The following ARHGAP8 variants were observed in gnomAD, a reference collection of about 807,000 sequenced individuals.
ARHGAP8 encodes the protein Rho GTPase activating protein 8.
Under a neutral mutation model 46.1 loss-of-function variants are expected in ARHGAP8, and 62 were observed. That is an observed-to-expected ratio of 1.34 (90% CI 1.10 to 1.66). The LOEUF (loss-of-function observed/expected upper bound fraction) is 1.66, where lower values mean the gene tolerates loss of function less well. ARHGAP8 is among the 40% of genes most tolerant of loss of function. The pLI is 0.00. For synonymous variants in ARHGAP8, 375 were observed against 243.1 expected (o/e 1.54, Z -5.05); for missense variants, 923 against 568.4 (o/e 1.62, Z -6.34).
At chr22:44,814,490 A>G (rs1929590742) in intron 4 of ARHGAP8, among the ~76,000 whole-genome samples, 182 bp from the exon 5 acceptor site, 3 of 152,216 alleles carry the variant, frequency 2.0e-5, no homozygotes, top group Admixed American at 6.5e-5. Context: ...CGGGGGCAGC[A>G]GGTGAGGGGT....
rs772299067 is a variant in ARHGAP8 at position 44,859,731 on chromosome 22, G to C, written c.878G>C (p.Cys293Ser). ...AGCAGGGAGCCCCATGCCCTTCCAG[G>C]TGTGGAGAGCAGCCTGCGTGTCACT... is the stretch of plus-strand genomic sequence containing the variant. ...QAYEQILGIT[C>S]VESSLRVTGC... The change falls in exon 11 of 12, where the codon TGT becomes TCT. Residue 293 changes from cysteine (C) to serine (S), a missense_variant and splice_region_variant. Physicochemically the swap from Cys to Ser is moderately radical, Grantham distance 112. Transcript: ENST00000356099. 7 of 1,613,362 alleles carry C rather than the reference G, an allele frequency of 4.3e-6. No homozygotes were observed. The highest frequency in any genetic ancestry group is 2.2e-5 in the East Asian group (1 of 44,894).
At chr22:44,809,120 C>T (rs1309459954) in intron 4 of ARHGAP8, 1 of 470,930 alleles carries the variant, frequency 2.1e-6, no homozygotes, top group Non-Finnish European at 4.4e-6. Flanking sequence ...CATGCCAAGC[C>T]AACACTCTTG....
At chr22:44,821,734 A>AC (rs1338906615) in intron 5 of ARHGAP8, among the ~76,000 whole-genome samples, 2 of 152,054 alleles carry the variant, frequency 1.3e-5, no homozygotes, top group African/African-American at 4.8e-5. Flanking sequence ...AGGAGGGAGA[A>AC]CCCCCACTTT....
At position 44,814,538 on chromosome 22, in the gene ARHGAP8, T is replaced by C. The variant is rs79573982; in HGVS notation, c.300-134T>C. 45 of 718,818 alleles carry C rather than the reference T, an allele frequency of 6.3e-5. No homozygotes were observed. The East Asian group carries it at 1.2e-3, about 20-fold the overall frequency. The allele number at this position is 718,818 out of a possible 1,614,324, so 44.5% of individuals were successfully genotyped here. A position where few individuals can be genotyped will look rare whatever the true frequency, so the allele number is the denominator to read the frequency against. The stretch of plus-strand genomic sequence containing the variant: ...CGAGTTTATTTCATTCTTTGTTTGA[T>C]GTCCTTAAATTGATCCTGTTGAGAG... On this transcript the variant is annotated intron_variant, in intron 4 of 11. Coordinates refer to ENST00000356099, the MANE Select transcript of ARHGAP8 (RefSeq NM_181335.3).
intron 2 of ARHGAP8, among the ~76,000 whole-genome samples, chr22:44,792,884 C>T (rs145878059): frequency 0.023 from 3,513 of 151,064 alleles, 130 homozygotes; most frequent in African/African-American, 0.079. Flanking sequence ...AGTGCAGTGG[C>T]GCAATCTCGG....
chr22:44,859,614 G>A, intron 10 of ARHGAP8, 117 bp from the exon 11 acceptor site: 1 of 1,115,550 alleles, frequency 9.0e-7, no homozygotes, highest in Non-Finnish European at 1.3e-6. Flanking sequence ...AAGCCCAAAT[G>A]TGGGATAGTC....
Position 44,781,867 on chromosome 22 carries a change from C to T in ARHGAP8, c.-71-4590C>T, listed in dbSNP as rs1926870971. On this transcript the variant is annotated intron_variant, in intron 1 of 11. Coordinates refer to ENST00000356099, the MANE Select transcript of ARHGAP8 (RefSeq NM_181335.3). ...TTTTATTTTTAGAGACAGGATCTTG[C>T]TGTGTTGCCCAGGCTGGAGTGCAGT... Among the ~76,000 whole-genome samples, 8 of 151,364 alleles carry T rather than the reference C, an allele frequency of 5.3e-5. 1 individual carries two copies. In the South Asian group the frequency reaches 1.7e-3, roughly 32 times the overall value.
At chr22:44,855,403 G>A (rs141766150) in intron 10 of ARHGAP8, among the ~76,000 whole-genome samples, 8,429 of 151,664 alleles carry the variant, frequency 0.056, 331 homozygotes, top group Non-Finnish European at 0.083. Context: ...GGGCTCAAGT[G>A]ATCTCCCCAC....
intron 1 of ARHGAP8, among the ~76,000 whole-genome samples, chr22:44,766,762 C>T (rs1231773620): frequency 6.6e-6 from 1 of 152,058 alleles, no homozygotes; most frequent in East Asian, 1.9e-4. Context: ...TGCTTGGCAC[C>T]AAGTCGGTGA....
At chr22:44,802,292 A>G in intron 3 of ARHGAP8, 128 bp downstream of exon 3, 2 of 1,232,680 alleles carry the variant, frequency 1.6e-6, no homozygotes, top group Non-Finnish European at 2.3e-6. Context: ...GCTGGTGTGC[A>G]GAGCTCTTGC....
intron 3 of ARHGAP8, among the ~76,000 whole-genome samples, chr22:44,803,679 G>GTGCACAAACCCCCTCCCA (rs1928725965): frequency 3.6e-5 from 1 of 27,882 alleles, no homozygotes; most frequent in Non-Finnish European, 6.3e-5. Context: ...ACCCCCTCCC[G>GTGCACAAACCCCCTCCCA]TGCACACACC....
chr22:44,824,419 A>G (rs1469235801), intron 6 of ARHGAP8, among the ~76,000 whole-genome samples: 1 of 152,122 alleles, frequency 6.6e-6, no homozygotes, highest in East Asian at 1.9e-4. Context: ...CCTTTCCTGC[A>G]TTGTCGGGTG....
intron 10 of ARHGAP8, among the ~76,000 whole-genome samples, chr22:44,851,393 AT>A (rs1249839894): frequency 6.5e-4 from 98 of 151,126 alleles, no homozygotes; most frequent in African/African-American, 2.2e-3. Flanking sequence ...AGCCTTTTAA[AT>A]ATTTATTTAT....
In ARHGAP8 at chr22:44,802,100, G is replaced by A; in HGVS notation, c.103G>A (p.Val35Ile). Residue 35 changes from valine (V) to isoleucine (I), a missense_variant, in exon 3 of 12, where the codon GTT becomes ATT. Coordinates refer to ENST00000356099, the MANE Select transcript of ARHGAP8 (RefSeq NM_181335.3). ...AGGGGATGACCGCTTTGGAAGACGT[G>A]TTGTCACGTTCAGCTGCTGCCGGAT... ...VAGDDRFGRR[V>I]VTFSCCRMPP... is the part of the protein sequence containing the mutation. 2 of 1,614,146 alleles carry A rather than the reference G, an allele frequency of 1.2e-6. No individual in the cohort carries two copies. The highest frequency in any genetic ancestry group is 1.7e-5 in the Admixed American group (1 of 60,020).
intron 11 of ARHGAP8, among the ~76,000 whole-genome samples, chr22:44,860,871 A>G (rs1299395732): frequency 3.3e-5 from 5 of 152,188 alleles, no homozygotes; most frequent in African/African-American, 4.8e-5. Flanking sequence ...GTGCAGGGTG[A>G]GGAGAGCCTG....
intron 10 of ARHGAP8, 200 bp from the exon 11 acceptor site, chr22:44,859,531 A>G (rs2070360093): frequency 1.7e-6 from 1 of 602,560 alleles, no homozygotes; most frequent in Non-Finnish European, 2.9e-6. Flanking sequence ...AAATAACCCC[A>G]TCTCAGCAAG....
At chr22:44,842,725 T>C (rs1241242818) in intron 7 of ARHGAP8, among the ~76,000 whole-genome samples, 2 of 151,964 alleles carry the variant, frequency 1.3e-5, no homozygotes, top group Non-Finnish European at 2.9e-5. Flanking sequence ...AGGGGTGACA[T>C]AGACCCTCAG....
intron 7 of ARHGAP8, among the ~76,000 whole-genome samples, chr22:44,836,982 T>G (rs551061512): frequency 6.6e-5 from 10 of 152,130 alleles, no homozygotes; most frequent in African/African-American, 2.2e-4. Context: ...CCTCCCTGTT[T>G]CAAGCAATTC....
Position 44,786,472 on chromosome 22 carries a change from A to AGGC in ARHGAP8, c.-46_-44dup, listed in dbSNP as rs764288968. ...TTTGCCGCAGAGCTGCAGAGAGACA[A>AGGC]GGCGGCGGCGGCTGCTGTGCTGGGT... On this transcript the variant is annotated 5_prime_UTR_variant, in exon 2 of 12. Coordinates refer to ENST00000356099, the MANE Select transcript of ARHGAP8 (RefSeq NM_181335.3). 1.9e-6 allele frequency: 3 copies of AGGC among 1,605,828 alleles called. No individual in the cohort carries two copies. Among genetic ancestry groups the AGGC allele is most frequent in the African/African-American group, 1.3e-5 (1 of 74,616 alleles).
Sources: gnomAD v4.1 joint callset for allele counts (sites outside exome capture counted in the v4.1 genomes callset) on GRCh38, gnomAD v4.1.1 for gene constraint, MANE v1.5 for transcripts, NCBI Gene and HGNC (gene_info 2026-07-23, HGNC 2026-07-21) for gene names.